TANC2: variants seen among roughly 807,000 people sequenced by gnomAD.
TANC2 encodes protein TANC2.
Under a neutral mutation model 210.5 loss-of-function variants are expected in TANC2, and 26 were observed. The observed-to-expected ratio is 0.12, with a 90% CI of 0.09 to 0.17. The LOEUF (loss-of-function observed/expected upper bound fraction) is 0.17. Among genes scored for constraint, TANC2 ranks in the 10% least tolerant of loss-of-function variants. The pLI, the probability that TANC2 is intolerant of heterozygous loss-of-function variation, is 1.00. For synonymous variants in TANC2, 931 were observed against 967.1 expected (o/e 0.96, Z 0.69); for missense variants, 2,129 against 2,608.9 (o/e 0.82, Z 4.01).
rs1598918637 is a variant in TANC2, at chr17:63,351,538, T to A, written c.1974+122T>A. The A allele has an allele frequency of 1.2e-5, 8 of 691,928 alleles. No individual in the cohort carries two copies. The East Asian group carries it at 2.7e-4, about 23-fold the overall frequency. 42.9% of individuals were successfully genotyped at this position (691,928 alleles called of 1,614,324 possible). A position where few individuals can be genotyped will look rare whatever the true frequency, so the allele number is the denominator to read the frequency against. On this transcript the variant is annotated intron_variant, in intron 13 of 27. Coordinates refer to ENST00000689528, the Ensembl canonical transcript of TANC2. ...GTCCTAGAGCATTATGAAGAATAATTCCCGAAGAATTAATCTAATATTTTG... is the reference window on the plus strand; with the variant it reads ...GTCCTAGAGCATTATGAAGAATAATACCCGAAGAATTAATCTAATATTTTG...
chr17:63,234,156 A>G (rs2042555567), intron 7 of TANC2, among the ~76,000 whole-genome samples: 2 of 152,152 alleles, frequency 1.3e-5, no homozygotes, highest in South Asian at 4.1e-4. Context: ...AATATTATAG[A>G]AAGCCTGATT....
chr17:63,389,445 C>T (rs199864346), exon 17 of TANC2: 20 of 1,613,862 alleles, frequency 1.2e-5, no homozygotes, highest in Non-Finnish European at 1.4e-5. Context: ...TCGGGGCCAA[C>T]GTGGATGCCT....
At chr17:63,241,652 T>G (rs1157650844) in intron 8 of TANC2, among the ~76,000 whole-genome samples, 3 of 152,174 alleles carry the variant, frequency 2.0e-5, no homozygotes, top group Non-Finnish European at 4.4e-5. Flanking sequence ...CAACGTTCAT[T>G]CTAAAATCTT....
At chr17:63,206,545 G>A (rs943439658) in intron 7 of TANC2, among the ~76,000 whole-genome samples, 1 of 152,152 alleles carries the variant, frequency 6.6e-6, no homozygotes, top group Non-Finnish European at 1.5e-5. Flanking sequence ...TCTGATGTAT[G>A]CTACAACATG....
At chr17:63,250,543 C>T (rs1175743402) in intron 8 of TANC2, among the ~76,000 whole-genome samples, 1 of 152,114 alleles carries the variant, frequency 6.6e-6, no homozygotes, top group Non-Finnish European at 1.5e-5. Flanking sequence ...ATGTACAAGG[C>T]ATTGTTGCTA....
chr17:63,399,716 A>T (rs1490939613), intron 19 of TANC2, among the ~76,000 whole-genome samples: 1 of 152,246 alleles, frequency 6.6e-6, no homozygotes, highest in African/African-American at 2.4e-5. Context: ...ATTTTACTAA[A>T]CAAGAAGGGT....
chr17:63,274,928 A>G (rs2043826412), intron 9 of TANC2, among the ~76,000 whole-genome samples: 1 of 152,192 alleles, frequency 6.6e-6, no homozygotes, highest in South Asian at 2.1e-4. Context: ...CATCTTAATG[A>G]AAGCTCTCTC....
chr17:63,271,029 G>GGT (rs1411862586), intron 9 of TANC2, among the ~76,000 whole-genome samples: 10 of 152,056 alleles, frequency 6.6e-5, no homozygotes, highest in African/African-American at 1.9e-4. Flanking sequence ...GGTATTCCAT[G>GGT]GTGTGTATGT....
At chr17:63,376,904 G>A (rs1448041395) in intron 14 of TANC2, among the ~76,000 whole-genome samples, 3 of 145,972 alleles carry the variant, frequency 2.1e-5, no homozygotes, top group African/African-American at 7.6e-5. Context: ...TGCAAGCTCC[G>A]CCTCCCAGGT....
intron 9 of TANC2, among the ~76,000 whole-genome samples, chr17:63,313,829 C>CATA (rs1192902202): frequency 6.6e-6 from 1 of 152,176 alleles, no homozygotes; most frequent in Non-Finnish European, 1.5e-5. Context: ...CCTCTCTATA[C>CATA]TGCTTTCTTC....
chr17:63,272,988 T>TA (rs148511723), intron 9 of TANC2, among the ~76,000 whole-genome samples: 22,207 of 151,952 alleles, frequency 0.15, 2,004 homozygotes, highest in Middle Eastern at 0.21. Flanking sequence ...TTTATACTCA[T>TA]AAAAAAATTA....
intron 7 of TANC2, among the ~76,000 whole-genome samples, chr17:63,235,919 TTAG>T (rs995427218): frequency 2.6e-5 from 4 of 152,080 alleles, no homozygotes; most frequent in South Asian, 2.1e-4. Flanking sequence ...TTGTGTATAA[TTAG>T]TAGTAAGACT....
rs151158493 is a variant in TANC2, at chr17:63,068,596, A to G, written c.68-5347A>G. ...GAATAGATACAATTGATATATTCAT[A>G]CAGTGGAATACTAGAGTTAAAATGA... On this transcript the variant is annotated intron_variant, in intron 2 of 27. Coordinates refer to ENST00000689528, the Ensembl canonical transcript of TANC2. 1.9e-4 allele frequency among the ~76,000 whole-genome samples: 29 copies of G among 152,300 alleles called. No homozygotes were observed. The East Asian group carries it at 3.7e-3, about 19-fold the overall frequency.
intron 5 of TANC2, among the ~76,000 whole-genome samples, chr17:63,176,444 A>G (rs534281718): frequency 6.6e-6 from 1 of 152,348 alleles, no homozygotes; most frequent in African/African-American, 2.4e-5. Context: ...ATACTGTTTA[A>G]TTCCTTATAT....
chr17:63,273,645 A>G (rs552474691), intron 9 of TANC2, among the ~76,000 whole-genome samples: 4 of 152,248 alleles, frequency 2.6e-5, no homozygotes, highest in Admixed American at 1.3e-4. Context: ...TAGGATCACA[A>G]TGTTTAAAAA....
intron 8 of TANC2, among the ~76,000 whole-genome samples, chr17:63,263,407 A>T (rs1035824308): frequency 1.3e-5 from 2 of 152,226 alleles, no homozygotes; most frequent in African/African-American, 4.8e-5. Context: ...AAGTGTCAGT[A>T]AAATAATTGG....
rs137912059 is a variant in TANC2 at position 63,058,379 on chromosome 17, T to G, written c.68-15564T>G. Among the ~76,000 whole-genome samples the G allele has an allele frequency of 2.2e-4, 33 of 152,324 alleles. 1 individual carries two copies. Among genetic ancestry groups the G allele is most frequent in the East Asian group, 1.5e-3 (8 of 5,190 alleles). ...TCTCCCATTATTTAGATTGTCTATT[T>G]ACTCTGTTGATAGTTTCGTTTGCTG... On this transcript the variant is annotated intron_variant, in intron 2 of 27. Coordinates refer to ENST00000689528, the Ensembl canonical transcript of TANC2.
intron 3 of TANC2, among the ~76,000 whole-genome samples, chr17:63,077,970 G>C (rs995546465): frequency 6.6e-6 from 1 of 152,032 alleles, no homozygotes; most frequent in African/African-American, 2.4e-5. Context: ...TCATTTTCTT[G>C]TTTTCTAATG....
chr17:63,405,093 TATCCTCA>T, intron 19 of TANC2, 22 bp from the exon 20 acceptor site: 8 of 1,589,956 alleles, frequency 5.0e-6, no homozygotes, highest in Non-Finnish European at 6.0e-6. Flanking sequence ...CAGAACCACC[TATCCTCA>T]ATCTTTGTTC....
Sources: gnomAD v4.1 joint callset for allele counts (sites outside exome capture counted in the v4.1 genomes callset) on GRCh38, gnomAD v4.1.1 for gene constraint, MANE v1.5 for transcripts, NCBI Gene and HGNC (gene_info 2026-07-23, HGNC 2026-07-21) for gene names.